The following CADPS2 variants were observed in gnomAD, a reference collection of about 807,000 sequenced individuals.
CADPS2 encodes the protein calcium dependent secretion activator 2.
CADPS2 carries 93 observed loss-of-function variants against 172.5 expected under a neutral mutation model. That is an observed-to-expected ratio of 0.54 (90% CI 0.46 to 0.64). The LOEUF is 0.64. Among genes scored for constraint, CADPS2 ranks in the 30% least tolerant of loss-of-function variants. The pLI is 0.00. For synonymous variants in CADPS2, 546 were observed against 555.2 expected (o/e 0.98, Z 0.23); for missense variants, 1,420 against 1,565.9 (o/e 0.91, Z 1.57).
chr7:122,797,703 G>C (rs973554352), intron 1 of CADPS2, among the ~76,000 whole-genome samples: 10 of 152,058 alleles, frequency 6.6e-5, no homozygotes, highest in Non-Finnish European at 1.5e-5. Flanking sequence ...ACAGACACCA[G>C]AGCTTATTGC....
rs918426862 is a variant in CADPS2 at position 122,803,343 on chromosome 7, C to T, written c.340-66275G>A. 2.0e-5 allele frequency among the ~76,000 whole-genome samples: 3 copies of T among 152,030 alleles called. No homozygotes were observed. The South Asian group carries it at 6.2e-4, about 32-fold the overall frequency. On this transcript the variant is annotated intron_variant, in intron 1 of 29. Transcript: ENST00000449022. ...ACAATTCAGAAAGACTCATTTTTTCCCTTTGAAGTTAGGAACAAGAACAAA... is the reference window on the plus strand; with the variant it reads ...ACAATTCAGAAAGACTCATTTTTTCTCTTTGAAGTTAGGAACAAGAACAAA...
At chr7:122,487,399 G>A (rs1311013962) in intron 11 of CADPS2, among the ~76,000 whole-genome samples, 12 of 151,984 alleles carry the variant, frequency 7.9e-5, no homozygotes, top group Admixed American at 7.9e-4. Context: ...GTCTGGAACT[G>A]AACCCACAAT....
At chr7:122,741,564 ACT>A (rs1391305181) in intron 1 of CADPS2, among the ~76,000 whole-genome samples, 2 of 152,064 alleles carry the variant, frequency 1.3e-5, no homozygotes, top group Non-Finnish European at 2.9e-5. Context: ...ACTTACCTTG[ACT>A]CTGTGTCTAT....
At chr7:122,813,112 A>C (rs1465319473) in intron 1 of CADPS2, among the ~76,000 whole-genome samples, 1 of 152,012 alleles carries the variant, frequency 6.6e-6, no homozygotes, top group African/African-American at 2.4e-5. Context: ...AAAGCAGCAC[A>C]GGTACGGAAA....
rs146839204 is a variant in CADPS2 at position 122,467,729 on chromosome 7, A to C, written c.2186+3646T>G. Among the ~76,000 whole-genome samples the C allele has an allele frequency of 2.6e-5, 4 of 152,288 alleles. No homozygotes were observed. In the East Asian group the frequency reaches 7.7e-4, roughly 29 times the overall value. On this transcript the variant is annotated intron_variant, in intron 14 of 29. Transcript: ENST00000449022. ...AAAAGCCATTTTGTGTTGCTGCTTC[A>C]GTTTCTCCACCCTCAGCCTGACTTA...
chr7:122,465,652 G>A (rs2055036517), intron 14 of CADPS2, among the ~76,000 whole-genome samples: 1 of 152,054 alleles, frequency 6.6e-6, no homozygotes, highest in Non-Finnish European at 1.5e-5. Flanking sequence ...CCATCCTACC[G>A]TTCCACCCCA....
At chr7:122,362,545 CTTTA>C (rs1020566104) in intron 25 of CADPS2, among the ~76,000 whole-genome samples, 26 of 152,284 alleles carry the variant, frequency 1.7e-4, no homozygotes, top group African/African-American at 4.1e-4. Context: ...AAGCATTTTA[CTTTA>C]TTTAGCATGA....
At chr7:122,735,584 C>T (rs1219385288) in intron 2 of CADPS2, among the ~76,000 whole-genome samples, 1 of 152,036 alleles carries the variant, frequency 6.6e-6, no homozygotes, top group African/African-American at 2.4e-5. Context: ...TAAAAACTCA[C>T]TTATTTTGAA....
At chr7:122,633,593 T>C (rs1466256998) in intron 3 of CADPS2, among the ~76,000 whole-genome samples, 1 of 152,204 alleles carries the variant, frequency 6.6e-6, no homozygotes, top group Non-Finnish European at 1.5e-5. Flanking sequence ...GAGAAGCTTT[T>C]TGGCAGAGTC....
intron 2 of CADPS2, among the ~76,000 whole-genome samples, chr7:122,731,342 C>G (rs2091622418): frequency 6.6e-6 from 1 of 151,582 alleles, no homozygotes; most frequent in Non-Finnish European, 1.5e-5. Flanking sequence ...CAACTGTATA[C>G]TGCCTTTTGG....
At chr7:122,411,559 C>T (rs1404828076) in intron 19 of CADPS2, among the ~76,000 whole-genome samples, 1 of 152,030 alleles carries the variant, frequency 6.6e-6, no homozygotes, top group Non-Finnish European at 1.5e-5. Flanking sequence ...AAATTTATAA[C>T]TTAAAACAAA....
At chr7:122,835,104 G>A (rs1490013294) in intron 1 of CADPS2, among the ~76,000 whole-genome samples, 1 of 152,212 alleles carries the variant, frequency 6.6e-6, no homozygotes, top group African/African-American at 2.4e-5. Flanking sequence ...GGAATGATCA[G>A]GCAGCAACAT....
intron 3 of CADPS2, among the ~76,000 whole-genome samples, chr7:122,659,039 T>C (rs2080182173): frequency 6.6e-6 from 1 of 151,992 alleles, no homozygotes. Flanking sequence ...AGTTCTCAGT[T>C]CTCATTACCT....
intron 2 of CADPS2, among the ~76,000 whole-genome samples, chr7:122,677,708 C>T (rs1000879016): frequency 3.9e-5 from 6 of 152,116 alleles, no homozygotes; most frequent in Non-Finnish European, 7.3e-5. Flanking sequence ...TGGCCAAGAT[C>T]ACACAGCCAG....
intron 1 of CADPS2, among the ~76,000 whole-genome samples, chr7:122,860,871 A>G (rs1816780306): frequency 6.6e-6 from 1 of 152,184 alleles, no homozygotes; most frequent in Non-Finnish European, 1.5e-5. Context: ...TTAACATAAC[A>G]TCCTCTAGGT....
intron 9 of CADPS2, among the ~76,000 whole-genome samples, chr7:122,505,140 G>A (rs548307961): frequency 3.3e-5 from 5 of 152,096 alleles, no homozygotes; most frequent in Non-Finnish European, 5.9e-5. Flanking sequence ...ATTGTCATGT[G>A]TTAAAGAGTA....
At chr7:122,761,569 A>G (rs1029220977) in intron 1 of CADPS2, among the ~76,000 whole-genome samples, 3 of 152,182 alleles carry the variant, frequency 2.0e-5, no homozygotes, top group African/African-American at 7.2e-5. Flanking sequence ...GCAACTTAGA[A>G]GAATCAGACC....
In CADPS2 at chr7:122,416,088, T is replaced by C. The variant is rs2047872864; in HGVS notation, c.2553A>G (p.Leu851=). ...CTGCATGATGCTCTTCATTCTGCTG[T>C]AAGACTTCTATGCAGAGCTCTGCCA... ...LHLAELCIEV[L]QQNEEHHAEG... is the part of the protein sequence containing the mutation. Residue 851 remains leucine (L), a synonymous_variant, in exon 18 of 30, where the codon TTA becomes TTG. Coordinates refer to ENST00000449022, the MANE Select transcript of CADPS2 (RefSeq NM_017954.11). The C allele has an allele frequency of 6.5e-7, 1 of 1,544,472 alleles. No homozygotes were observed.
intron 11 of CADPS2, among the ~76,000 whole-genome samples, chr7:122,481,225 G>A (rs1049164306): frequency 6.8e-6 from 1 of 147,882 alleles, no homozygotes; most frequent in African/African-American, 2.5e-5. Flanking sequence ...GAGTGCAGTG[G>A]TGCGAACGTG....
Sources: allele counts gnomAD v4.1 joint callset (sites outside exome capture counted in the v4.1 genomes callset), GRCh38; gene constraint gnomAD v4.1.1; transcripts MANE v1.5; gene names NCBI Gene and HGNC (gene_info 2026-07-23, HGNC 2026-07-21).